The following LRBA variants were observed in gnomAD, a reference collection of about 807,000 sequenced individuals.
LRBA encodes LPS responsive beige-like anchor protein.
LRBA carries 176 observed loss-of-function variants against 330.0 expected under a neutral mutation model. The observed-to-expected ratio is 0.53, with a 90% CI of 0.47 to 0.60. LRBA has a LOEUF of 0.60. Among genes scored for constraint, LRBA ranks in the 20% least tolerant of loss-of-function variants. The probability of loss-of-function intolerance (pLI) is 0.00; values close to 1 mark genes in which losing one functional copy is unlikely to be tolerated. For synonymous variants in LRBA, 1,230 were observed against 1,193.0 expected, an observed-to-expected ratio of 1.03 and a Z score of -0.64; for missense variants, 3,259 against 3,444.8, an observed-to-expected ratio of 0.95 and a Z score of 1.35.
At chr4:150,591,106 C>T (rs1215193561) in intron 38 of LRBA, among the ~76,000 whole-genome samples, 1 of 152,120 alleles carries the variant, frequency 6.6e-6, no homozygotes, top group African/African-American at 2.4e-5. Flanking sequence ...GCACTGCTCA[C>T]CAAACCATTT....
At chr4:150,589,434 G>A (rs1425950239) in intron 39 of LRBA, among the ~76,000 whole-genome samples, 1 of 152,210 alleles carries the variant, frequency 6.6e-6, no homozygotes, top group Admixed American at 6.5e-5. Context: ...GCAGATAGCT[G>A]CAGAACAGCC....
chr4:150,278,128 A>G, intron 55 of LRBA, 124 bp from the exon 56 acceptor site: 1 of 773,760 alleles, frequency 1.3e-6, no homozygotes, highest in Non-Finnish European at 2.0e-6. Flanking sequence ...GATCCTCAGG[A>G]GTTTTTAGAA....
intron 47 of LRBA, among the ~76,000 whole-genome samples, chr4:150,357,269 A>C (rs956797200): frequency 1.3e-5 from 2 of 152,008 alleles, no homozygotes; most frequent in Non-Finnish European, 2.9e-5. Flanking sequence ...TGGCAGGAGA[A>C]TCATTCTGTC....
intron 34 of LRBA, among the ~76,000 whole-genome samples, chr4:150,792,387 G>A (rs1182384783): frequency 6.6e-6 from 1 of 152,098 alleles, no homozygotes; most frequent in East Asian, 1.9e-4. Context: ...ATTGAAAAGA[G>A]GCACAGGGAA....
At chr4:150,537,336 G>A (rs577786901) in intron 40 of LRBA, among the ~76,000 whole-genome samples, 1 of 152,252 alleles carries the variant, frequency 6.6e-6, no homozygotes, top group East Asian at 1.9e-4. Context: ...CAAGATAGAT[G>A]AAAGATTTCA....
intron 44 of LRBA, among the ~76,000 whole-genome samples, chr4:150,457,856 A>C (rs2152042926): frequency 6.6e-6 from 1 of 152,116 alleles, no homozygotes; most frequent in Admixed American, 6.6e-5. Flanking sequence ...ATGCTATGCA[A>C]ATAAAACAAT....
intron 17 of LRBA, among the ~76,000 whole-genome samples, chr4:150,892,694 A>C (rs990547855): frequency 1.3e-5 from 2 of 152,216 alleles, no homozygotes; most frequent in African/African-American, 4.8e-5. Context: ...ATTTTAAAGG[A>C]AGGATAGAGA....
chr4:150,754,035 C>T (rs559196243), intron 35 of LRBA, among the ~76,000 whole-genome samples: 1 of 151,470 alleles, frequency 6.6e-6, no homozygotes, highest in East Asian at 1.9e-4. Flanking sequence ...CTACTGCACT[C>T]CAGCCTGGGC....
intron 26 of LRBA, among the ~76,000 whole-genome samples, chr4:150,845,297 A>C (rs933990036): frequency 1.4e-4 from 21 of 152,146 alleles, no homozygotes; most frequent in African/African-American, 5.1e-4. Context: ...AATTGAGACT[A>C]ATAGAGGATA....
rs1272052362 is a variant in LRBA, at chr4:150,806,276, C to T, written c.5513G>A (p.Gly1838Glu). Reference sequence around the variant, plus strand: ...AATAAAGAAAAACCACTTACTTGTTCCTTCTATAAGCAGTTCTTGTCCATG... The same window carrying T: ...AATAAAGAAAAACCACTTACTTGTTTCTTCTATAAGCAGTTCTTGTCCATG... The part of the protein sequence containing the change: ...GSHGQELLIE[G>E]TSLVCMKSSS... Residue 1838 changes from glycine to glutamate, a missense_variant, in exon 33 of 57, where the codon GGA (glycine) becomes GAA (glutamate). Physicochemically the swap from Gly to Glu is moderately conservative, Grantham distance 98. Transcript: ENST00000651943. 1 of 1,565,644 alleles carries T rather than the reference C, an allele frequency of 6.4e-7. No individual in the cohort carries two copies. Among genetic ancestry groups the T allele is most frequent in the Non-Finnish European group, 8.6e-7 (1 of 1,160,952 alleles).
At chr4:150,933,233 C>T (rs1210611567) in intron 2 of LRBA, among the ~76,000 whole-genome samples, 1 of 151,714 alleles carries the variant, frequency 6.6e-6, no homozygotes, top group East Asian at 1.9e-4. Context: ...ACTAAAAATA[C>T]AAAAATTAGC....
intron 52 of LRBA, among the ~76,000 whole-genome samples, chr4:150,303,098 C>A (rs11728745): frequency 1.9e-4 from 29 of 152,140 alleles, no homozygotes; most frequent in African/African-American, 6.7e-4. Context: ...ATCATGTTTA[C>A]TGATTAAAGC....
At chr4:150,671,661 A>T (rs1399842706) in intron 37 of LRBA, among the ~76,000 whole-genome samples, 1 of 152,230 alleles carries the variant, frequency 6.6e-6, no homozygotes, top group South Asian at 2.1e-4. Context: ...CATGTAGGAC[A>T]AATAGCATCC....
intron 46 of LRBA, among the ~76,000 whole-genome samples, chr4:150,430,627 C>T (rs1266336373): frequency 6.6e-6 from 1 of 152,150 alleles, no homozygotes; most frequent in African/African-American, 2.4e-5. Flanking sequence ...TGGATAAACA[C>T]AATTAAAATA....
chr4:150,646,817 C>A (rs1199784697), intron 37 of LRBA, among the ~76,000 whole-genome samples: 1 of 152,036 alleles, frequency 6.6e-6, no homozygotes, highest in Non-Finnish European at 1.5e-5. Context: ...ACAGACATAA[C>A]ATGCAAAAGA....
At chr4:150,606,303 G>A (rs1214582707) in intron 37 of LRBA, among the ~76,000 whole-genome samples, 2 of 151,664 alleles carry the variant, frequency 1.3e-5, no homozygotes, top group African/African-American at 4.8e-5. Context: ...AAGACATCTA[G>A]GAAAAAAAAC....
chr4:150,706,761 A>G (rs910139352), intron 36 of LRBA, among the ~76,000 whole-genome samples: 2 of 151,776 alleles, frequency 1.3e-5, no homozygotes, highest in Non-Finnish European at 3.0e-5. Flanking sequence ...GAAAAGAGAC[A>G]CAATCAATGG....
At chr4:150,421,690 GT>G (rs571876685) in intron 46 of LRBA, among the ~76,000 whole-genome samples, 178 of 152,136 alleles carry the variant, frequency 1.2e-3, no homozygotes, top group African/African-American at 4.0e-3. Flanking sequence ...AACAGCAATA[GT>G]CACAAATACA....
intron 40 of LRBA, among the ~76,000 whole-genome samples, chr4:150,553,974 G>T (rs942248473): frequency 1.3e-5 from 2 of 152,114 alleles, no homozygotes; most frequent in Non-Finnish European, 2.9e-5. Flanking sequence ...ACTGGTCAAG[G>T]GTTCATTTAA....
Sources: gnomAD v4.1 joint callset for allele counts (sites outside exome capture counted in the v4.1 genomes callset) on GRCh38, gnomAD v4.1.1 for gene constraint, MANE v1.5 for transcripts, NCBI Gene and HGNC (gene_info 2026-07-23, HGNC 2026-07-21) for gene names.